USP14: variants seen among roughly 807,000 people sequenced by gnomAD.
The protein encoded by USP14 is ubiquitin specific peptidase 14.
USP14 carries 38 observed loss-of-function variants against 76.5 expected under a neutral mutation model. That is an observed-to-expected ratio of 0.50 (90% confidence interval 0.38 to 0.65). The LOEUF (loss-of-function observed/expected upper bound fraction) is 0.65. Ranked by LOEUF, USP14 falls within the 30% of genes least tolerant of loss-of-function variation. USP14 has a pLI of 0.00. For synonymous variants in USP14, 192 were observed against 191.7 expected (o/e 1.00, Z -0.01); for missense variants, 467 against 586.5 (o/e 0.80, Z 2.10).
intron 1 of USP14, chr18:159,026 G>A (rs1886178963): frequency 3.2e-6 from 1 of 308,794 alleles, no homozygotes; most frequent in South Asian, 1.5e-4. Context: ...GTGAGGGTGT[G>A]TCCTGGGGCG....
chr18:203,449 T>C (rs1017444243), intron 12 of USP14, among the ~76,000 whole-genome samples: 20 of 151,914 alleles, frequency 1.3e-4, no homozygotes, highest in African/African-American at 4.8e-4. Flanking sequence ...GCCTAGGATA[T>C]TATATTTTTC....
Position 214,004 on chromosome 18 carries a change from G to A in USP14, c.*2720G>A, listed in dbSNP as rs1910764856. On this transcript the variant is annotated 3_prime_UTR_variant, in exon 16 of 16. Transcript: ENST00000261601. ...ATAGATAGATAGATAGATAGATGAT[G>A]ATTGATTGATGATTGATAGTAAATT... 8.1e-6 allele frequency: 1 copy of A among 123,832 alleles called. No individual in the cohort carries two copies. Among genetic ancestry groups the A allele is most frequent in the Middle Eastern group, 3.7e-3 (1 of 268 alleles). The allele number at this position is 123,832 out of a possible 1,614,324, so 7.7% of individuals were successfully genotyped here. A position where few individuals can be genotyped will look rare whatever the true frequency, so the allele number is the denominator to read the frequency against.
At chr18:210,616 A>G (rs150187010) in intron 15 of USP14, 123 bp downstream of exon 15, 71 of 574,922 alleles carry the variant, frequency 1.2e-4, no homozygotes, top group African/African-American at 1.2e-3. Context: ...TGAAGCCCCA[A>G]AGAGCTTTGG....
Position 212,504 on chromosome 18 carries a change from T to C in USP14, c.*1220T>C, listed in dbSNP as rs1910695959. The stretch of plus-strand genomic sequence containing the variant: ...CTGTGATCCCAGCTACTTGGGAGGC[T>C]GAGGTGGGAGAATTGCTTGAACCTG... On this transcript the variant is annotated 3_prime_UTR_variant, in exon 16 of 16. Coordinates refer to ENST00000261601, the MANE Select transcript of USP14 (RefSeq NM_005151.4). 6.6e-6 allele frequency: 1 copy of C among 152,402 alleles called. No individual in the cohort carries two copies. The highest frequency in any genetic ancestry group is 1.5e-5 in the Non-Finnish European group (1 of 68,262). 9.4% of individuals were successfully genotyped at this position (152,402 alleles called of 1,614,324 possible).
chr18:188,394 ATTCGTATTCT>A (rs1384219149), intron 5 of USP14, among the ~76,000 whole-genome samples: 1 of 150,880 alleles, frequency 6.6e-6, no homozygotes, highest in African/African-American at 2.4e-5. Flanking sequence ...TTCCTGATAC[ATTCGTATTCT>A]TTCAATATAT....
At chr18:168,696 A>T (rs1415766676) in intron 3 of USP14, among the ~76,000 whole-genome samples, 3 of 151,582 alleles carry the variant, frequency 2.0e-5, no homozygotes, top group African/African-American at 7.3e-5. Flanking sequence ...TGATCTCCCA[A>T]AGTGCTGGAA....
chr18:197,639 A>C lies in USP14; in HGVS notation c.618A>C (p.Gln206His). 6.2e-7 allele frequency: 1 copy of C among 1,612,428 alleles called. No individual in the cohort carries two copies. The highest frequency in any genetic ancestry group is 8.5e-7 in the Non-Finnish European group (1 of 1,179,046). Residue 206 changes from glutamine to histidine, a missense_variant, in exon 8 of 16, where the codon CAA (glutamine) becomes CAC (histidine). Physicochemically the swap from Gln to His is conservative, Grantham distance 24 (BLOSUM62 0). Transcript: ENST00000261601. ...LQQDANECWI[Q>H]MMRVLQQKLE... ...AGGATGCTAATGAATGTTGGATACA[A>C]ATGATGCGAGTATTGCAACAGAAAT...
chr18:159,344 A>G (rs1266582008), intron 1 of USP14, among the ~76,000 whole-genome samples: 1 of 152,160 alleles, frequency 6.6e-6, no homozygotes, highest in Non-Finnish European at 1.5e-5. Context: ...ATGAATACAC[A>G]TATCCCCGGG....
chr18:159,381 A>G (rs1909052113), intron 1 of USP14, among the ~76,000 whole-genome samples: 1 of 152,142 alleles, frequency 6.6e-6, no homozygotes, highest in African/African-American at 2.4e-5. Flanking sequence ...GGCGTTTGAC[A>G]GGGGCTTGTA....
chr18:214,590 C>G lies in USP14; in HGVS notation c.*3306C>G. The G allele has an allele frequency of 6.5e-7, 1 of 1,543,084 alleles. No individual in the cohort carries two copies. On this transcript the variant is annotated 3_prime_UTR_variant, in exon 16 of 16. Coordinates refer to ENST00000261601, the MANE Select transcript of USP14 (RefSeq NM_005151.4). Reference sequence around the variant, plus strand: ...ATCAAATGCTGCTTGGTAACAAAATCTATCACAGTTTTAATAAAAAGAAAA... The same window carrying G: ...ATCAAATGCTGCTTGGTAACAAAATGTATCACAGTTTTAATAAAAAGAAAA...
chr18:203,539 A>C (rs1910442819), intron 12 of USP14, among the ~76,000 whole-genome samples: 1 of 151,942 alleles, frequency 6.6e-6, no homozygotes, highest in Non-Finnish European at 1.5e-5. Context: ...AGCTTCAGGG[A>C]TACTGATTCA....
intron 3 of USP14, among the ~76,000 whole-genome samples, chr18:171,025 A>AAT (rs57888885): frequency 0.036 from 1,707 of 47,528 alleles, 53 homozygotes; most frequent in Middle Eastern, 0.075. Flanking sequence ...AAAAAAAAAA[A>AAT]ATATATATAT....
At chr18:180,095 C>CTT (rs778467116) in intron 4 of USP14, 141 bp from the exon 5 acceptor site, 45 of 484,070 alleles carry the variant, frequency 9.3e-5, no homozygotes, top group Non-Finnish European at 1.6e-4. Flanking sequence ...GTTTCTTTAG[C>CTT]GTGAAGGCAG....
chr18:164,941 T>C (rs1909225783), intron 2 of USP14, among the ~76,000 whole-genome samples: 1 of 152,028 alleles, frequency 6.6e-6, no homozygotes, highest in South Asian at 2.1e-4. Flanking sequence ...CAAGAAGATA[T>C]CTATTATTAT....
intron 1 of USP14, chr18:159,034 G>C (rs1339057404): frequency 3.4e-6 from 1 of 296,614 alleles, no homozygotes; most frequent in African/African-American, 2.2e-5. Context: ...GTGTCCTGGG[G>C]CGCTGGGCCA....
At chr18:197,448 A>T (rs1041375382) in intron 7 of USP14, among the ~76,000 whole-genome samples, 168 bp from the exon 8 acceptor site, 1 of 152,216 alleles carries the variant, frequency 6.6e-6, no homozygotes, top group Non-Finnish European at 1.5e-5. Flanking sequence ...TTGAATGAAT[A>T]AGCTATTCTA....
chr18:170,077 G>A (rs1414171870), intron 3 of USP14, among the ~76,000 whole-genome samples: 3 of 152,050 alleles, frequency 2.0e-5, no homozygotes, highest in Non-Finnish European at 4.4e-5. Flanking sequence ...TGAGGCGGGT[G>A]GATTCCTGAG....
At position 201,900 on chromosome 18, in the gene USP14, C is replaced by A. The variant is rs545284841; in HGVS notation, c.877-980C>A. Among the ~76,000 whole-genome samples, 3 of 152,186 alleles carry A rather than the reference C, an allele frequency of 2.0e-5. No individual in the cohort carries two copies. The East Asian group carries it at 5.8e-4, about 29-fold the overall frequency. On this transcript the variant is annotated intron_variant, in intron 10 of 15. Coordinates refer to ENST00000261601, the MANE Select transcript of USP14 (RefSeq NM_005151.4). ...CTTTATAACTTTTAAGATATTTTAT[C>A]TTTTGTTCTGATAATTCTTGAGTAA...
rs766313488 is a variant in USP14 at position 196,694 on chromosome 18, T to C, written c.521T>C (p.Ile174Thr). The change falls in exon 7 of 16, where the codon ATT (isoleucine) becomes ACT (threonine). Residue 174 changes from isoleucine (I) to threonine (T), a missense_variant. By Grantham distance (89) the Ile-to-Thr change is moderately conservative. Coordinates refer to ENST00000261601, the MANE Select transcript of USP14 (RefSeq NM_005151.4). ...ACTTCTTCCAGTATTCCACCTATTA[T>C]TCTACTGCAGTTTTTGCACATGGCT... ...DKTSSSIPPI[I>T]LLQFLHMAFP... 4 of 1,614,036 alleles carry C rather than the reference T, an allele frequency of 2.5e-6. No individual in the cohort carries two copies. Among genetic ancestry groups the C allele is most frequent in the Middle Eastern group, 1.6e-4 (1 of 6,084 alleles).
Sources: allele counts gnomAD v4.1 joint callset (sites outside exome capture counted in the v4.1 genomes callset), GRCh38; gene constraint gnomAD v4.1.1; transcripts MANE v1.5; gene names NCBI Gene and HGNC (gene_info 2026-07-23, HGNC 2026-07-21).